The following TCF20 variants were observed in gnomAD, a reference collection of about 807,000 sequenced individuals.
TCF20 encodes the protein SPRE-binding protein.
TCF20 carries 3 observed loss-of-function variants against 148.6 expected under a neutral mutation model. The observed-to-expected ratio is 0.02, with a 90% confidence interval of 0.01 to 0.05. The LOEUF is 0.05. Ranked by LOEUF, TCF20 falls within the 10% of genes least tolerant of loss-of-function variation. TCF20 has a pLI of 1.00. For missense variants in TCF20, 2,350 were observed against 2,429.3 expected, an observed-to-expected ratio of 0.97 and a Z score of 0.69; for synonymous variants, 1,049 against 909.5, an observed-to-expected ratio of 1.15 and a Z score of -2.76.
upstream of TCF20, among the ~76,000 whole-genome samples, chr22:42,286,962 A>G (rs1184390078): frequency 6.6e-6 from 1 of 152,120 alleles, no homozygotes; most frequent in Non-Finnish European, 1.5e-5. Flanking sequence ...GCCAGGAGCA[A>G]AAGATGCAGA....
intron 1 of TCF20, 133 bp from the exon 2 acceptor site, chr22:42,215,474 T>C (rs1458590026): frequency 8.0e-7 from 1 of 1,244,446 alleles, no homozygotes; most frequent in African/African-American, 1.5e-5. Context: ...TCTATTTTTT[T>C]TTTTTGGTTT....
intron 1 of TCF20, among the ~76,000 whole-genome samples, chr22:42,295,206 A>G (rs139959718): frequency 1.4e-3 from 220 of 152,270 alleles, no homozygotes; most frequent in African/African-American, 5.0e-3. Flanking sequence ...AGAAGACAGT[A>G]ACATTTGAGG....
At chr22:42,165,979 T>C (rs1439619383) in intron 5 of TCF20, among the ~76,000 whole-genome samples, 2 of 152,172 alleles carry the variant, frequency 1.3e-5, no homozygotes, top group Non-Finnish European at 2.9e-5. Flanking sequence ...CCAATAATGG[T>C]GGCTCTCTGT....
upstream of TCF20, among the ~76,000 whole-genome samples, chr22:42,272,366 T>TG (rs199526248): frequency 6.6e-6 from 1 of 152,242 alleles, no homozygotes; most frequent in Non-Finnish European, 1.5e-5. Flanking sequence ...AGACTGGTGT[T>TG]GGGGGCACCC....
rs202220163 is a variant in TCF20, at chr22:42,213,533, C to T, written c.1773G>A (p.Leu591=). The part of the protein sequence containing the change: ...ATSPGAKDMP[L]SSDGNPKVNE... Reference sequence around the variant, plus strand: ...TAACCTTTGGGTTCCCGTCGGATGACAATGGCATGTCCTTAGCGCCTGGTG... The same window carrying T: ...TAACCTTTGGGTTCCCGTCGGATGATAATGGCATGTCCTTAGCGCCTGGTG... The change falls in exon 2 of 6, where the codon TTG becomes TTA. Residue 591 remains leucine, a synonymous_variant. Transcript: ENST00000677622. The T allele has an allele frequency of 5.0e-6, 8 of 1,614,208 alleles. No homozygotes were observed. The highest frequency in any genetic ancestry group is 2.2e-5 in the East Asian group (1 of 44,884).
rs1002580588 is a variant in TCF20 at position 42,338,701 on chromosome 22, G to A, written c.-37+4778C>T. Reference sequence around the variant, plus strand: ...CTGCCAGGCGGGACGGGCTGGGCACGGCACGAGGCGGCAACAATAGGCACC... The same window carrying A: ...CTGCCAGGCGGGACGGGCTGGGCACAGCACGAGGCGGCAACAATAGGCACC... On this transcript the variant is annotated intron_variant, in intron 1 of 1. Coordinates refer to the TCF20 transcript ENST00000515426. The surrounding 1 kb of genome is among the most constrained non-coding windows in gnomAD (Gnocchi z 4.0). Among the ~76,000 whole-genome samples, 1 of 152,212 alleles carries A rather than the reference G, an allele frequency of 6.6e-6. No homozygotes were observed. The highest frequency in any genetic ancestry group is 1.5e-5 in the Non-Finnish European group (1 of 68,040).
chr22:42,334,355 A>G (rs1601710576), intron 1 of TCF20, among the ~76,000 whole-genome samples: 1 of 151,888 alleles, frequency 6.6e-6, no homozygotes, highest in Non-Finnish European at 1.5e-5. Flanking sequence ...GGGTACCCCA[A>G]TGAGGAGTCA....
rs765688656 is a variant in TCF20 at position 42,161,371 on chromosome 22, G to A, written c.*45-13C>T. 1.2e-6 allele frequency: 2 copies of A among 1,614,048 alleles called. No individual in the cohort carries two copies. Among genetic ancestry groups the A allele is most frequent in the Non-Finnish European group, 1.7e-6 (2 of 1,179,944 alleles). ...TCCACAGTCTCACCTGGAAGACAAG[G>A]GACACACAGTGAAGGCCAGGAGCCT... On this transcript the variant is annotated splice_polypyrimidine_tract_variant and intron_variant, in intron 5 of 5. Coordinates refer to ENST00000677622, the MANE Select transcript of TCF20 (RefSeq NM_001378418.1).
At chr22:42,278,782 ACCAT>A (rs1198870309) in intron 1 of TCF20, 1 of 152,302 alleles carries the variant, frequency 6.6e-6, no homozygotes, top group African/African-American at 2.4e-5. Flanking sequence ...GAATACGATG[ACCAT>A]CCCCATGTAC....
chr22:42,216,136 G>A (rs1921775229), intron 1 of TCF20, among the ~76,000 whole-genome samples: 1 of 118,978 alleles, frequency 8.4e-6, no homozygotes, highest in African/African-American at 3.3e-5. Context: ...TGCCCAGGCT[G>A]GAGTGTGCAG....
intron 1 of TCF20, among the ~76,000 whole-genome samples, chr22:42,220,260 C>G (rs1922234164): frequency 1.3e-5 from 2 of 152,144 alleles, no homozygotes; most frequent in African/African-American, 4.8e-5. Context: ...GCCTCAACTC[C>G]CAGCTCAGGC....
rs1447132840 is a variant in TCF20, at chr22:42,212,067, T to G, written c.3239A>C (p.Asn1080Thr). 9 of 1,614,004 alleles carry G rather than the reference T, an allele frequency of 5.6e-6. No homozygotes were observed. The part of the protein sequence containing the change: ...HAYGDPNAGL[N>T]SQLHYKRQMY... The stretch of plus-strand genomic sequence containing the variant: ...CTGTCTCTTATAATGCAGCTGAGAA[T>G]TCAAACCTGCGTTAGGGTCCCCATA... The change falls in exon 2 of 6, where the codon AAT (asparagine) becomes ACT (threonine). Residue 1080 changes from asparagine (N) to threonine (T), a missense_variant. By Grantham distance (65) the Asn-to-Thr change is moderately conservative. This residue lies in a region of TCF20 where 1,641 missense variants were observed against 1,662.6 expected (regional missense o/e 0.99). Coordinates refer to ENST00000677622, the MANE Select transcript of TCF20 (RefSeq NM_001378418.1).
Position 42,210,795 on chromosome 22 carries a change from G to T in TCF20, c.4511C>A (p.Ala1504Asp). 1 of 1,614,208 alleles carries T rather than the reference G, an allele frequency of 6.2e-7. No homozygotes were observed. Among genetic ancestry groups the T allele is most frequent in the Non-Finnish European group, 8.5e-7 (1 of 1,180,054 alleles). ...TTCAGCCTTGGGGTTTGCCTCAGGG[G>T]CCAATATGCCCACTGGAGGTACATT... ...SKNVPPVGIL[A>D]PEANPKAEEK... Residue 1504 changes from alanine (A) to aspartate (D), a missense_variant, in exon 2 of 6, where the codon GCC (alanine) becomes GAC (aspartate). Ala to Asp is a moderately radical substitution (Grantham distance 126, BLOSUM62 -2). This residue lies in a region of TCF20 where 231 missense variants were observed against 213.7 expected (regional missense o/e 1.08). Coordinates refer to ENST00000677622, the MANE Select transcript of TCF20 (RefSeq NM_001378418.1). The surrounding 1 kb of genome is among the most constrained non-coding windows in gnomAD (Gnocchi z 4.7).
Position 42,211,770 on chromosome 22 carries a change from T to C in TCF20, c.3536A>G (p.His1179Arg), listed in dbSNP as rs749962037. ...GGATTCTTGTAACTTCTGGGAGCCATGCTTTAATTCCATGCCCTTGTTAGG... is the reference window on the plus strand; with the variant it reads ...GGATTCTTGTAACTTCTGGGAGCCACGCTTTAATTCCATGCCCTTGTTAGG... Reference protein sequence around the residue: ...GLPNKGMELKHGSQKLQESCW... With the variant: ...GLPNKGMELKRGSQKLQESCW... The change falls in exon 2 of 6, where the codon CAT (histidine) becomes CGT (arginine). Residue 1179 changes from histidine to arginine, a missense_variant. By Grantham distance (29) the His-to-Arg change is conservative (BLOSUM62 0). Coordinates refer to ENST00000677622, the MANE Select transcript of TCF20 (RefSeq NM_001378418.1). 6.2e-6 allele frequency: 10 copies of C among 1,614,076 alleles called. No homozygotes were observed. Among genetic ancestry groups the C allele is most frequent in the Non-Finnish European group, 8.5e-6 (10 of 1,180,038 alleles).
chr22:42,258,315 T>C (rs1355096139), intron 1 of TCF20, among the ~76,000 whole-genome samples: 1 of 152,078 alleles, frequency 6.6e-6, no homozygotes, highest in Non-Finnish European at 1.5e-5. Context: ...GAGTACTCCT[T>C]ACATTCCTGC....
At chr22:42,239,588 GA>G (rs1208579819) in intron 1 of TCF20, among the ~76,000 whole-genome samples, 2 of 152,076 alleles carry the variant, frequency 1.3e-5, no homozygotes, top group African/African-American at 2.4e-5. Context: ...AGGAGTTCCA[GA>G]CCAGTCTGGC....
chr22:42,184,152 G>A (rs78630558), intron 2 of TCF20, among the ~76,000 whole-genome samples: 4,763 of 152,174 alleles, frequency 0.031, 103 homozygotes, highest in Non-Finnish European at 0.048. Flanking sequence ...GACATCAGGA[G>A]ATCAATAAAG....
chr22:42,262,884 C>T (rs536125257), intron 1 of TCF20, among the ~76,000 whole-genome samples: 31 of 152,044 alleles, frequency 2.0e-4, no homozygotes, highest in Non-Finnish European at 3.7e-4. Context: ...TATACTAGGC[C>T]AATATTTGAG....
chr22:42,250,836 C>T (rs185127625), intron 1 of TCF20, among the ~76,000 whole-genome samples: 1 of 152,314 alleles, frequency 6.6e-6, no homozygotes, highest in Non-Finnish European at 1.5e-5. Flanking sequence ...GCACCTGCTT[C>T]CAGGAAGGCC....
Sources: allele counts gnomAD v4.1 joint callset (sites outside exome capture counted in the v4.1 genomes callset), GRCh38; gene constraint gnomAD v4.1.1; regional missense constraint gnomAD v4.1.1; non-coding constraint Gnocchi (gnomAD v3.1); transcripts MANE v1.5; gene names NCBI Gene and HGNC (gene_info 2026-07-23, HGNC 2026-07-21).